Variants in MGMT observed in about 807,000 individuals in gnomAD.
The protein encoded by MGMT is O-6-methylguanine-DNA methyltransferase, also known as methylated-DNA--protein-cysteine methyltransferase.
MGMT carries 14 observed loss-of-function variants against 15.9 expected under a neutral mutation model. The observed-to-expected ratio is 0.88, with a 90% CI of 0.58 to 1.37. The LOEUF (loss-of-function observed/expected upper bound fraction) is 1.37, where lower values mean the gene tolerates loss of function less well. MGMT is among the 40% of genes most tolerant of loss of function. The pLI is 0.00. For missense variants in MGMT, 282 were observed against 268.1 expected, an observed-to-expected ratio of 1.05 and a Z score of -0.36; for synonymous variants, 130 against 118.2, an observed-to-expected ratio of 1.10 and a Z score of -0.65.
intron 2 of MGMT, among the ~76,000 whole-genome samples, chr10:129,615,592 A>G (rs1257301834): frequency 6.6e-6 from 1 of 152,152 alleles, no homozygotes; most frequent in African/African-American, 2.4e-5. Flanking sequence ...CCTCTGCCCC[A>G]GTGCAGGCGG....
chr10:129,762,830 G>A (rs1453131174), intron 4 of MGMT, among the ~76,000 whole-genome samples: 1 of 152,002 alleles, frequency 6.6e-6, no homozygotes, highest in African/African-American at 2.4e-5. Flanking sequence ...AAGTGTCAAG[G>A]TTGTCAGTGG....
At position 129,659,846 on chromosome 10, in the gene MGMT, C is replaced by G. The variant is rs1487407461; in HGVS notation, c.126-48049C>G. ...TTTGAAATTGAGTAATGGCGGATGC[C>G]CAGCACCTGATGTTTGGGCACGGGC... On this transcript the variant is annotated intron_variant, in intron 2 of 4. Transcript: ENST00000651593. The surrounding 1 kb of genome is among the most constrained non-coding windows in gnomAD (Gnocchi z 4.1). Among the ~76,000 whole-genome samples the G allele has an allele frequency of 6.6e-6, 1 of 152,170 alleles. No homozygotes were observed. Among genetic ancestry groups the G allele is most frequent in the Non-Finnish European group, 1.5e-5 (1 of 68,038 alleles).
chr10:129,610,885 T>C (rs956030929), intron 2 of MGMT, among the ~76,000 whole-genome samples: 3 of 152,224 alleles, frequency 2.0e-5, no homozygotes, highest in Admixed American at 6.5e-5. Context: ...GCTGTATCCC[T>C]AGAGCCTACA....
chr10:129,569,331 C>T (rs746662805), intron 2 of MGMT, among the ~76,000 whole-genome samples: 2 of 152,136 alleles, frequency 1.3e-5, no homozygotes, highest in Admixed American at 6.5e-5. Flanking sequence ...CAGTAGTTGG[C>T]GTTGTCATCC....
chr10:129,509,553 A>G (rs10764883), intron 1 of MGMT, among the ~76,000 whole-genome samples: 66,823 of 152,086 alleles, frequency 0.44, 15,515 homozygotes, highest in East Asian at 0.63. Flanking sequence ...GTTGTTTAGA[A>G]TTGATCGAAT....
chr10:129,522,008 G>A (rs1010269816), intron 1 of MGMT, among the ~76,000 whole-genome samples: 1 of 152,244 alleles, frequency 6.6e-6, no homozygotes, highest in Non-Finnish European at 1.5e-5. Flanking sequence ...GGACCGAGCA[G>A]GCAGCAAAGG....
chr10:129,483,170 A>G (rs1416155480), intron 1 of MGMT, among the ~76,000 whole-genome samples: 1 of 152,228 alleles, frequency 6.6e-6, no homozygotes, highest in African/African-American at 2.4e-5. Flanking sequence ...TCACATGCAG[A>G]ATAAGCACCT....
chr10:129,686,186 G>T (rs1363598302), intron 2 of MGMT, among the ~76,000 whole-genome samples: 5 of 151,934 alleles, frequency 3.3e-5, no homozygotes, highest in Non-Finnish European at 7.4e-5. Flanking sequence ...TGGTGGATAT[G>T]TGAACAGAAG....
intron 1 of MGMT, among the ~76,000 whole-genome samples, chr10:129,470,380 T>C (rs956343611): frequency 6.6e-6 from 1 of 152,230 alleles, no homozygotes; most frequent in African/African-American, 2.4e-5. Context: ...TAGTCTAGTT[T>C]TCTTTTGACT....
intron 2 of MGMT, among the ~76,000 whole-genome samples, chr10:129,577,400 A>T (rs1846497114): frequency 6.6e-6 from 1 of 152,216 alleles, no homozygotes; most frequent in Non-Finnish European, 1.5e-5. Flanking sequence ...CAACTATCTG[A>T]TCATTGATAA....
At chr10:129,750,884 C>G (rs1367739282) in intron 3 of MGMT, among the ~76,000 whole-genome samples, 1 of 152,078 alleles carries the variant, frequency 6.6e-6, no homozygotes, top group Non-Finnish European at 1.5e-5. Flanking sequence ...ATTGAATCAG[C>G]CTTGCTTTCC....
At chr10:129,534,994 A>G (rs1176535774) in intron 1 of MGMT, among the ~76,000 whole-genome samples, 2 of 152,202 alleles carry the variant, frequency 1.3e-5, no homozygotes, top group South Asian at 4.1e-4. Flanking sequence ...GTGTAAATAA[A>G]TGAACACAAT....
intron 3 of MGMT, among the ~76,000 whole-genome samples, chr10:129,726,304 C>G (rs1848432586): frequency 6.6e-6 from 1 of 152,136 alleles, no homozygotes; most frequent in Admixed American, 6.5e-5. Context: ...CTGGGAAGAT[C>G]TCTGCTGGCC....
At chr10:129,474,539 G>T (rs544533437) in intron 1 of MGMT, among the ~76,000 whole-genome samples, 3 of 152,178 alleles carry the variant, frequency 2.0e-5, no homozygotes, top group African/African-American at 7.2e-5. Context: ...TAGACAGGCC[G>T]CCCTCTGCCC....
chr10:129,729,793 T>A (rs1848475756), intron 3 of MGMT, among the ~76,000 whole-genome samples: 1 of 152,320 alleles, frequency 6.6e-6, no homozygotes, highest in African/African-American at 2.4e-5. Context: ...AAAAGTTAAC[T>A]AATGGCGGCA....
chr10:129,706,027 C>G (rs1421217000), intron 2 of MGMT, among the ~76,000 whole-genome samples: 2 of 152,238 alleles, frequency 1.3e-5, no homozygotes, highest in African/African-American at 4.8e-5. Flanking sequence ...CATGTTCTTA[C>G]TGCTGCAGCC....
At chr10:129,544,182 G>A (rs1387743243) in intron 2 of MGMT, among the ~76,000 whole-genome samples, 1 of 152,130 alleles carries the variant, frequency 6.6e-6, no homozygotes, top group Non-Finnish European at 1.5e-5. Context: ...TCCTTTCCCT[G>A]TTTTCATGAG....
At chr10:129,565,902 G>T (rs1846349098) in intron 2 of MGMT, among the ~76,000 whole-genome samples, 1 of 152,038 alleles carries the variant, frequency 6.6e-6, no homozygotes, top group African/African-American at 2.4e-5. Context: ...TTTTGCTGGG[G>T]CTTGGACCGG....
intron 2 of MGMT, among the ~76,000 whole-genome samples, chr10:129,679,299 C>G (rs547132195): frequency 6.6e-6 from 1 of 152,084 alleles, no homozygotes; most frequent in Non-Finnish European, 1.5e-5. Context: ...ACACCGGTCC[C>G]CTCTGCTGTG....
Sources: allele counts gnomAD v4.1 joint callset (sites outside exome capture counted in the v4.1 genomes callset), GRCh38; gene constraint gnomAD v4.1.1; non-coding constraint Gnocchi (gnomAD v3.1); transcripts MANE v1.5; gene names NCBI Gene and HGNC (gene_info 2026-07-23, HGNC 2026-07-21).